HCFC2: variants seen among roughly 807,000 people sequenced by gnomAD.
HCFC2 encodes host cell factor 2.
A neutral mutation model predicts 89.2 loss-of-function variants in HCFC2; 18 were observed. That is an observed-to-expected ratio of 0.20 (90% CI 0.14 to 0.30). The LOEUF (loss-of-function observed/expected upper bound fraction) is 0.30, where lower values mean the gene tolerates loss of function less well. Among genes scored for constraint, HCFC2 ranks in the 10% least tolerant of loss-of-function variants. HCFC2 has a pLI of 1.00. For synonymous variants in HCFC2, 308 were observed against 335.7 expected, an observed-to-expected ratio of 0.92 and a Z score of 0.90; for missense variants, 578 against 956.1, an observed-to-expected ratio of 0.60 and a Z score of 5.21.
At chr12:104,080,862 T>A in intron 5 of HCFC2, 32 bp downstream of exon 5, 1 of 1,434,274 alleles carries the variant, frequency 7.0e-7, no homozygotes, top group Non-Finnish European at 9.6e-7. Flanking sequence ...TGCTTCTGTT[T>A]TTTTTAAAAA....
At chr12:104,066,833 GC>G (rs1883163304) in intron 2 of HCFC2, among the ~76,000 whole-genome samples, 1 of 152,192 alleles carries the variant, frequency 6.6e-6, no homozygotes, top group African/African-American at 2.4e-5. Flanking sequence ...TGTCACCCAG[GC>G]TGGACTGCAG....
At chr12:104,072,932 C>T (rs1454778865) in intron 3 of HCFC2, among the ~76,000 whole-genome samples, 1 of 152,002 alleles carries the variant, frequency 6.6e-6, no homozygotes, top group Non-Finnish European at 1.5e-5. Flanking sequence ...GTGTGAGCCA[C>T]CGCACCCGGC....
At chr12:104,090,915 A>C (rs1388745892) in intron 9 of HCFC2, 1 of 152,186 alleles carries the variant, frequency 6.6e-6, no homozygotes, top group Non-Finnish European at 1.5e-5. Flanking sequence ...AACCTTAACA[A>C]GAGTAAGTGG....
Position 104,101,881 on chromosome 12 carries a change from TTTTG to T in HCFC2, c.1879-83_1879-80del. ...AACATAATTTATTCTTTAAAAGTTT[TTTTG>T]TTTAATAAAAATTGAATAATTTTTA... On this transcript the variant is annotated intron_variant, in intron 13 of 14. Transcript: ENST00000229330. The T allele has an allele frequency of 3.7e-6, 3 of 809,318 alleles. No individual in the cohort carries two copies. In the East Asian group the frequency reaches 8.8e-5, roughly 24 times the overall value. 50.1% of individuals were successfully genotyped at this position (809,318 alleles called of 1,614,324 possible).
chr12:104,085,103 C>T (rs1883794913), intron 7 of HCFC2, among the ~76,000 whole-genome samples: 1 of 152,088 alleles, frequency 6.6e-6, no homozygotes, highest in African/African-American at 2.4e-5. Flanking sequence ...ATAATGACTC[C>T]AGTGTTTTCA....
Position 104,068,964 on chromosome 12 carries a change from T to G in HCFC2, c.473+857T>G, listed in dbSNP as rs571318893. On this transcript the variant is annotated intron_variant, in intron 3 of 14. Coordinates refer to ENST00000229330, the MANE Select transcript of HCFC2 (RefSeq NM_013320.3). This position sits in a 1 kb window ranked among gnomAD's most constrained non-coding sequence, Gnocchi z 4.1. ...AAATGGTTACTATAGTGGTAATATA[T>G]CCGTCATTTCATATAGTTACCCATT... Among the ~76,000 whole-genome samples, 1 of 152,270 alleles carries G rather than the reference T, an allele frequency of 6.6e-6. No individual in the cohort carries two copies. Among genetic ancestry groups the G allele is most frequent in the Admixed American group, 6.5e-5 (1 of 15,296 alleles).
At chr12:104,070,977 T>C (rs896225851) in intron 3 of HCFC2, among the ~76,000 whole-genome samples, 10 of 151,932 alleles carry the variant, frequency 6.6e-5, no homozygotes, top group Non-Finnish European at 1.3e-4. Context: ...GCTAATTTTT[T>C]TGTGTTTTTT....
chr12:104,087,218 G>C (rs991914703), intron 8 of HCFC2, among the ~76,000 whole-genome samples: 14 of 151,790 alleles, frequency 9.2e-5, no homozygotes, highest in Admixed American at 4.6e-4. Context: ...AGCGGGTATG[G>C]TGGTGCATAC....
intron 14 of HCFC2, 54 bp downstream of exon 14, chr12:104,102,207 A>G: frequency 6.8e-7 from 1 of 1,461,280 alleles, no homozygotes; most frequent in South Asian, 1.3e-5. Context: ...GAAATTTCAC[A>G]TGTGAAGTAA....
intron 12 of HCFC2, 68 bp from the exon 13 acceptor site, chr12:104,098,275 T>C: frequency 7.7e-7 from 1 of 1,298,486 alleles, no homozygotes; most frequent in Non-Finnish European, 1.1e-6. Context: ...TGCATGGACT[T>C]ATTAAATCTT....
Position 104,106,143 on chromosome 12 carries a change from C to T in HCFC2, c.*2870C>T, listed in dbSNP as rs1004998198. On this transcript the variant is annotated 3_prime_UTR_variant, in exon 15 of 15. Coordinates refer to ENST00000229330, the MANE Select transcript of HCFC2 (RefSeq NM_013320.3). ...ATAATCTGATTGCATGTATGAAGGA[C>T]TCCTGCCTCATTACCCAATTACATA... 6.6e-6 allele frequency: 1 copy of T among 152,006 alleles called. No homozygotes were observed. Among genetic ancestry groups the T allele is most frequent in the Non-Finnish European group, 1.5e-5 (1 of 67,936 alleles). 9.4% of individuals were successfully genotyped at this position (152,006 alleles called of 1,614,324 possible). A position where few individuals can be genotyped will look rare whatever the true frequency, so the allele number is the denominator to read the frequency against.
intron 3 of HCFC2, among the ~76,000 whole-genome samples, chr12:104,075,675 G>T (rs1016087502): frequency 1.3e-5 from 2 of 152,120 alleles, no homozygotes; most frequent in Non-Finnish European, 2.9e-5. Flanking sequence ...GTCCAGGCTG[G>T]TCTTGAACTC....
intron 3 of HCFC2, among the ~76,000 whole-genome samples, chr12:104,073,604 T>A (rs1883407234): frequency 6.6e-6 from 1 of 152,234 alleles, no homozygotes; most frequent in South Asian, 2.1e-4. Flanking sequence ...CTATATTTTC[T>A]TCTAGTTCAT....
chr12:104,072,848 G>T (rs1167503000), intron 3 of HCFC2, among the ~76,000 whole-genome samples: 3 of 151,872 alleles, frequency 2.0e-5, no homozygotes, highest in Non-Finnish European at 4.4e-5. Flanking sequence ...GTTTCACCAT[G>T]TTAGCCAGGA....
Position 104,064,685 on chromosome 12 carries a change from A to G in HCFC2, c.125A>G (p.Asn42Ser). 6.3e-7 allele frequency: 1 copy of G among 1,575,008 alleles called. No individual in the cohort carries two copies. Among genetic ancestry groups the G allele is most frequent in the Non-Finnish European group, 8.6e-7 (1 of 1,162,882 alleles). The change falls in exon 1 of 15, where the codon AAT becomes AGT. Residue 42 changes from asparagine (N) to serine (S), a missense_variant. Asn to Ser is a conservative substitution (Grantham distance 46). Around this residue, in one of 4 missense-constraint regions of HCFC2, gnomAD observed 206 missense variants for 419.2 expected, o/e 0.49. Coordinates refer to ENST00000229330, the MANE Select transcript of HCFC2 (RefSeq NM_013320.3). This position sits in a 1 kb window ranked among gnomAD's most constrained non-coding sequence, Gnocchi z 7.3. ...RELMIIFGGG[N>S]EGIADELHVY... ...CTGATGATCATCTTTGGAGGGGGAAATGAGGGCATCGCGGATGAGCTGCAC... is the reference window on the plus strand; with the variant it reads ...CTGATGATCATCTTTGGAGGGGGAAGTGAGGGCATCGCGGATGAGCTGCAC...
At chr12:104,070,147 C>T (rs1204825888) in intron 3 of HCFC2, among the ~76,000 whole-genome samples, 2 of 152,030 alleles carry the variant, frequency 1.3e-5, no homozygotes, top group Non-Finnish European at 2.9e-5. Context: ...CTCAGCCACC[C>T]GAGTAGCTGG....
At chr12:104,078,161 G>A (rs149206714) in intron 3 of HCFC2, among the ~76,000 whole-genome samples, 2,290 of 152,134 alleles carry the variant, frequency 0.015, 47 homozygotes, top group African/African-American at 0.051. Flanking sequence ...ACCACACCCA[G>A]CTAATTTTTT....
intron 3 of HCFC2, among the ~76,000 whole-genome samples, chr12:104,071,825 T>C (rs1484911459): frequency 6.6e-6 from 1 of 152,258 alleles, no homozygotes; most frequent in Non-Finnish European, 1.5e-5. Flanking sequence ...ATATTCATTA[T>C]TGTCTGTCTT....
intron 2 of HCFC2, among the ~76,000 whole-genome samples, chr12:104,066,984 C>T (rs1202720951): frequency 6.6e-6 from 1 of 152,170 alleles, no homozygotes; most frequent in Non-Finnish European, 1.5e-5. Flanking sequence ...GACGGGTTTT[C>T]ACCATGTTGG....
Sources: allele counts gnomAD v4.1 joint callset (sites outside exome capture counted in the v4.1 genomes callset), GRCh38; gene constraint gnomAD v4.1.1; regional missense constraint gnomAD v4.1.1; non-coding constraint Gnocchi (gnomAD v3.1); transcripts MANE v1.5; gene names NCBI Gene and HGNC (gene_info 2026-07-23, HGNC 2026-07-21).